Variants in PCSK7 observed in about 807,000 individuals in gnomAD.
PCSK7 encodes lymphoma proprotein convertase.
In PCSK7, 38 loss-of-function variants were observed where a neutral mutation model predicts 73.3. That is an observed-to-expected ratio of 0.52 (90% CI 0.40 to 0.68). The LOEUF (loss-of-function observed/expected upper bound fraction) is 0.68, where lower values mean the gene tolerates loss of function less well. Among genes scored for constraint, PCSK7 ranks in the 30% least tolerant of loss-of-function variants. PCSK7 has a pLI of 0.00. For synonymous variants in PCSK7, 296 were observed against 383.8 expected, an observed-to-expected ratio of 0.77 and a Z score of 2.68; for missense variants, 692 against 991.5, an observed-to-expected ratio of 0.70 and a Z score of 4.06.
At chr11:117,230,831 G>C (rs1314381504) in intron 1 of PCSK7, among the ~76,000 whole-genome samples, 1 of 152,174 alleles carries the variant, frequency 6.6e-6, no homozygotes, top group Non-Finnish European at 1.5e-5. Context: ...TGAAAGGAGG[G>C]AGGCGGCGGG....
rs36014587 is a variant in PCSK7 at position 117,204,760 on chromosome 11, CAAA to C, written c.*1234_*1236del. ...CTGGAATATTTTTGGGGTTGGAACT[CAAA>C]AAAAAAAAAAAAAAATCAATCTTTT... On this transcript the variant is annotated 3_prime_UTR_variant, in exon 17 of 17. Transcript: ENST00000320934. 781 of 174,280 alleles carry C rather than the reference CAAA, an allele frequency of 4.5e-3. No individual in the cohort carries two copies. Among genetic ancestry groups the C allele is most frequent in the South Asian group, 7.1e-3 (76 of 10,716 alleles). The allele number at this position is 174,280 out of a possible 1,614,324, so 10.8% of individuals were successfully genotyped here. A position where few individuals can be genotyped will look rare whatever the true frequency, so the allele number is the denominator to read the frequency against.
chr11:117,206,024 C>T lies in PCSK7; in HGVS notation c.2331G>A (p.Pro777=), dbSNP rs771331976. 60 of 1,232,474 alleles carry T rather than the reference C, an allele frequency of 4.9e-5. No homozygotes were observed. Among genetic ancestry groups the T allele is most frequent in the Non-Finnish European group, 6.1e-5 (54 of 880,460 alleles). 76.3% of individuals were successfully genotyped at this position (1,232,474 alleles called of 1,614,324 possible). The part of the protein sequence containing the change: ...LDCPHQHLDV[P]HGKEEQIC ...AGCAGATCTGCTCCTCCTTCCCGTG[C>T]GGTACGTCTAGGTGCTGATGAGGGC... The change falls in exon 17 of 17, where the codon CCG becomes CCA. Residue 777 remains proline, a synonymous_variant. Transcript: ENST00000320934.
chr11:117,223,715 A>G (rs993917610), intron 8 of PCSK7: 1 of 354,278 alleles, frequency 2.8e-6, no homozygotes, highest in African/African-American at 2.1e-5. Flanking sequence ...AGGTAAGTAA[A>G]TAAACACATG....
chr11:117,211,053 A>T lies in PCSK7; in HGVS notation c.1535-2000T>A, dbSNP rs985207944. ...GGTAACCTAGGGTGGGATGCGCTTT[A>T]AAGATTTTTGTTTTAAATAAGCAAC... On this transcript the variant is annotated intron_variant, in intron 12 of 16. Transcript: ENST00000320934. The T allele has an allele frequency of 3.2e-4, 49 of 152,242 alleles. 1 individual carries two copies. The highest frequency in any genetic ancestry group is 1.2e-3 in the African/African-American group (49 of 41,454). 9.4% of individuals were successfully genotyped at this position (152,242 alleles called of 1,614,324 possible).
chr11:117,219,806 C>A, intron 9 of PCSK7, 48 bp from the exon 10 acceptor site: 1 of 1,460,246 alleles, frequency 6.8e-7, no homozygotes, highest in South Asian at 1.3e-5. Context: ...TGAGTTCAAG[C>A]TGGGGACAGT....
In PCSK7 at chr11:117,205,767, A is replaced by G. The variant is rs2031334567; in HGVS notation, c.*230T>C. Reference sequence around the variant, plus strand: ...AAAGGGGGGCGCCAATCCCCTGTCCAACACCTTCTCACCAAAAGCTCCCGT... The same window carrying G: ...AAAGGGGGGCGCCAATCCCCTGTCCGACACCTTCTCACCAAAAGCTCCCGT... On this transcript the variant is annotated 3_prime_UTR_variant, in exon 17 of 17. Transcript: ENST00000320934. The G allele has an allele frequency of 2.3e-6, 1 of 434,376 alleles. No homozygotes were observed. The allele number at this position is 434,376 out of a possible 1,614,324, so 26.9% of individuals were successfully genotyped here. A position where few individuals can be genotyped will look rare whatever the true frequency, so the allele number is the denominator to read the frequency against.
At chr11:117,224,342 G>A (rs2134323047) in intron 7 of PCSK7, 126 bp from the exon 8 acceptor site, 1 of 928,888 alleles carries the variant, frequency 1.1e-6, no homozygotes, top group South Asian at 1.6e-5. Context: ...CACTGGGCAT[G>A]GGGGAAAGAT....
At chr11:117,221,420 TGGCAGGA>T (rs1477208288) in intron 9 of PCSK7, 1 of 152,212 alleles carries the variant, frequency 6.6e-6, no homozygotes, top group Non-Finnish European at 1.5e-5. Flanking sequence ...TTGTCTATGG[TGGCAGGA>T]GCCACAGGCA....
Position 117,206,082 on chromosome 11 carries a change from C to T in PCSK7, c.2273G>A (p.Trp758Ter). ...LAPDLLEQGD[W>*]SLSQNKSALD... ...GGCGCTCTTGTTCTGGGACAGGCTC[C>T]AGTCCCCTTGCTCCAGCAGGTCTGG... The change falls in exon 17 of 17, where the codon TGG (tryptophan) becomes TAG (stop). Residue 758 changes from tryptophan (W) to a stop codon, truncating the protein, a stop_gained. Transcript: ENST00000320934. LOFTEE classifies it low-confidence loss of function (END_TRUNC). 1.3e-6 allele frequency: 2 copies of T among 1,539,792 alleles called. No individual in the cohort carries two copies. Among genetic ancestry groups the T allele is most frequent in the Non-Finnish European group, 1.8e-6 (2 of 1,122,736 alleles).
intron 12 of PCSK7, chr11:117,215,715 T>A (rs236913): frequency 0.43 from 46,058 of 108,046 alleles, 8,584 homozygotes; most frequent in African/African-American, 0.63. Flanking sequence ...TTTGTATCGT[T>A]TTTTTTTTTT....
intron 7 of PCSK7, 81 bp from the exon 8 acceptor site, chr11:117,224,297 C>A (rs2032324633): frequency 6.9e-7 from 1 of 1,441,562 alleles, no homozygotes; most frequent in Non-Finnish European, 9.6e-7. Context: ...CCCTCTCCAC[C>A]CCTTCTAGAA....
chr11:117,224,970 C>T (rs905139869), intron 6 of PCSK7: 1 of 548,208 alleles, frequency 1.8e-6, no homozygotes, highest in African/African-American at 1.9e-5. Context: ...CTCTTCTTTT[C>T]CTTGTGAATG....
chr11:117,205,377 C>T lies in PCSK7; in HGVS notation c.*620G>A, dbSNP rs934460303. 1.4e-4 allele frequency: 32 copies of T among 233,266 alleles called. No homozygotes were observed. The highest frequency in any genetic ancestry group is 2.4e-4 in the Non-Finnish European group (28 of 117,946). 14.4% of individuals were successfully genotyped at this position (233,266 alleles called of 1,614,324 possible). ...TCTGCCATCTGCTCTGCAGTCCTGC[C>T]GCAGGATTCCCTAGTGAAGCAGCTC... On this transcript the variant is annotated 3_prime_UTR_variant, in exon 17 of 17. Coordinates refer to ENST00000320934, the MANE Select transcript of PCSK7 (RefSeq NM_004716.4).
chr11:117,223,078 A>C (rs770506590), intron 9 of PCSK7, 130 bp downstream of exon 9: 9 of 695,998 alleles, frequency 1.3e-5, no homozygotes, highest in Non-Finnish European at 2.1e-5. Flanking sequence ...TAAGACATCC[A>C]GCTCTGTGGG....
At chr11:117,219,365 A>G in intron 10 of PCSK7, 3 of 632,662 alleles carry the variant, frequency 4.7e-6, no homozygotes, top group South Asian at 4.0e-5. Flanking sequence ...GCTTCTAGAG[A>G]AGGGGCCAGG....
Position 117,230,361 on chromosome 11 carries a change from T to C in PCSK7, c.-25A>G, listed in dbSNP as rs1018024497. ...GCCCCGTGCCCACCTGGATTCTACATGAGGTTGAGCTCCTGGTCTGGCTAA... is the reference window on the plus strand; with the variant it reads ...GCCCCGTGCCCACCTGGATTCTACACGAGGTTGAGCTCCTGGTCTGGCTAA... On this transcript the variant is annotated 5_prime_UTR_variant, in exon 2 of 17. The change abolishes an upstream ATG in the 5' untranslated region. Transcript: ENST00000320934. 1 of 154,144 alleles carries C rather than the reference T, an allele frequency of 6.5e-6. No homozygotes were observed. The highest frequency in any genetic ancestry group is 2.4e-5 in the African/African-American group (1 of 41,474). The allele number at this position is 154,144 out of a possible 1,614,324, so 9.5% of individuals were successfully genotyped here. A position where few individuals can be genotyped will look rare whatever the true frequency, so the allele number is the denominator to read the frequency against.
At position 117,229,474 on chromosome 11, in the gene PCSK7, T is replaced by A. The variant is rs985732997; in HGVS notation, c.371A>T (p.His124Leu). The change falls in exon 3 of 17, where the codon CAT (histidine) becomes CTT (leucine). Residue 124 changes from histidine to leucine, a missense_variant. Physicochemically the swap from His to Leu is moderately conservative, Grantham distance 99. Coordinates refer to ENST00000320934, the MANE Select transcript of PCSK7 (RefSeq NM_004716.4). ...CTCTGAGTGCCAGCGCACAGCTTCATGCCCAGCCAACACAGCCTCCACCTG... is the reference window on the plus strand; with the variant it reads ...CTCTGAGTGCCAGCGCACAGCTTCAAGCCCAGCCAACACAGCCTCCACCTG... ...RQQVEAVLAGHEAVRWHSEQR... is the reference protein window; with the variant it reads ...RQQVEAVLAGLEAVRWHSEQR... The A allele has an allele frequency of 6.2e-7, 1 of 1,611,810 alleles. No homozygotes were observed. The highest frequency in any genetic ancestry group is 1.1e-5 in the South Asian group (1 of 91,088).
intron 12 of PCSK7, chr11:117,215,364 T>TTTTTTTTTTGTGTGTGTGTGTGTGTG (rs57433360): frequency 5.9e-5 from 5 of 84,920 alleles, no homozygotes; most frequent in Admixed American, 1.2e-4. Flanking sequence ...CCTGGCTAAT[T>TTTTTTTTTTGTGTGTGTGTGTGTGTG]TGTGTGTGTG....
rs955298377 is a variant in PCSK7, at chr11:117,229,463, G to A, written c.382C>T (p.Arg128Cys). 3.1e-6 allele frequency: 5 copies of A among 1,611,276 alleles called. No homozygotes were observed. The highest frequency in any genetic ancestry group is 3.3e-5 in the Admixed American group (2 of 60,014). Residue 128 changes from arginine (R) to cysteine (C), a missense_variant, in exon 3 of 17, where the codon CGC becomes TGC. By Grantham distance (180) the Arg-to-Cys change is radical. This residue lies in a region of PCSK7 where 574 missense variants were observed against 689.8 expected (regional missense o/e 0.83). Coordinates refer to ENST00000320934, the MANE Select transcript of PCSK7 (RefSeq NM_004716.4). Reference protein sequence around the residue: ...EAVLAGHEAVRWHSEQRLLRR... With the variant: ...EAVLAGHEAVCWHSEQRLLRR... The stretch of plus-strand genomic sequence containing the variant: ...AGCAGCCTCTGCTCTGAGTGCCAGC[G>A]CACAGCTTCATGCCCAGCCAACACA...
Sources: gnomAD v4.1 joint callset for allele counts (sites outside exome capture counted in the v4.1 genomes callset) on GRCh38, gnomAD v4.1.1 for gene constraint, gnomAD v4.1.1 regional missense constraint, MANE v1.5 for transcripts, NCBI Gene and HGNC (gene_info 2026-07-23, HGNC 2026-07-21) for gene names.